The following CLDN16 variants were observed in gnomAD, a reference collection of about 807,000 sequenced individuals.
CLDN16 encodes claudin 16.
A neutral mutation model predicts 24.6 loss-of-function variants in CLDN16; 13 were observed. The observed-to-expected ratio is 0.53, with a 90% CI of 0.34 to 0.84. CLDN16 has a LOEUF of 0.84. Among genes scored for constraint, CLDN16 ranks in the 40% least tolerant of loss-of-function variants. The pLI is 0.01. For synonymous variants in CLDN16, 116 were observed against 106.7 expected, an observed-to-expected ratio of 1.09 and a Z score of -0.54; for missense variants, 298 against 292.7, an observed-to-expected ratio of 1.02 and a Z score of -0.13.
At chr3:190,371,905 T>G (rs1194528606) in intron 2 of CLDN16, among the ~76,000 whole-genome samples, 2 of 151,958 alleles carry the variant, frequency 1.3e-5, no homozygotes, top group African/African-American at 2.4e-5. Context: ...CTGTCCCAGG[T>G]CACCGAACAT....
intron 1 of CLDN16, among the ~76,000 whole-genome samples, chr3:190,345,668 G>C (rs1440075349): frequency 1.3e-5 from 2 of 152,122 alleles, no homozygotes; most frequent in Non-Finnish European, 2.9e-5. Context: ...CCACTGATAG[G>C]TGTTCAGCTT....
chr3:190,330,387 A>G (rs909036733), intron 1 of CLDN16, among the ~76,000 whole-genome samples: 20 of 152,210 alleles, frequency 1.3e-4, no homozygotes, highest in African/African-American at 4.3e-4. Flanking sequence ...GTTTAAGTCA[A>G]TATGGTAAAA....
the CLDN16 span, chr3:190,308,538 CA>C: frequency 8.7e-7 from 1 of 1,153,524 alleles, no homozygotes; most frequent in East Asian, 2.6e-5. Context: ...GTATTTTTTT[CA>C]TTGAAAATAA....
intron 1 of CLDN16, among the ~76,000 whole-genome samples, chr3:190,353,767 AG>A (rs1439880554): frequency 6.6e-6 from 1 of 152,070 alleles, no homozygotes; most frequent in Non-Finnish European, 1.5e-5. Context: ...TAGTAGTAAA[AG>A]TGACAGCCCT....
the CLDN16 span, among the ~76,000 whole-genome samples, chr3:190,313,435 A>G: frequency 1.3e-5 from 2 of 152,244 alleles, no homozygotes; most frequent in East Asian, 3.8e-4. Flanking sequence ...GATGTTAACT[A>G]TTTGTAATCA....
chr3:190,411,528 G>A lies in CLDN16; in HGVS notation c.*1492G>A, dbSNP rs1719286719. 1 of 151,720 alleles carries A rather than the reference G, an allele frequency of 6.6e-6. No individual in the cohort carries two copies. The highest frequency in any genetic ancestry group is 6.6e-5 in the Admixed American group (1 of 15,242). 9.4% of individuals were successfully genotyped at this position (151,720 alleles called of 1,614,324 possible). A position where few individuals can be genotyped will look rare whatever the true frequency, so the allele number is the denominator to read the frequency against. On this transcript the variant is annotated 3_prime_UTR_variant, in exon 5 of 5. Coordinates refer to ENST00000264734, the MANE Select transcript of CLDN16 (RefSeq NM_006580.4). ...CCTGAAAAGAATATCAACCTGAAAA[G>A]AATATCAACTCACCCAGAAATTAGT...
chr3:190,328,977 G>A (rs1717127510), intron 1 of CLDN16, among the ~76,000 whole-genome samples: 1 of 152,056 alleles, frequency 6.6e-6, no homozygotes, highest in Non-Finnish European at 1.5e-5. Context: ...TAGGCATTTG[G>A]TGCAACATAT....
chr3:190,361,485 T>A (rs1175062513), intron 1 of CLDN16, among the ~76,000 whole-genome samples: 2 of 151,948 alleles, frequency 1.3e-5, no homozygotes, highest in African/African-American at 4.8e-5. Context: ...CTGAAAAGAC[T>A]CCCTTCTTGA....
the CLDN16 span, among the ~76,000 whole-genome samples, chr3:190,312,324 T>C: frequency 6.6e-6 from 1 of 152,212 alleles, no homozygotes; most frequent in Admixed American, 6.5e-5. Context: ...CCTAACTGCT[T>C]TAAACTGACC....
intron 1 of CLDN16, among the ~76,000 whole-genome samples, chr3:190,345,424 G>T (rs895749258): frequency 1.3e-5 from 2 of 152,096 alleles, no homozygotes; most frequent in African/African-American, 4.8e-5. Context: ...CTTCCTATCA[G>T]GTTTGAATCA....
chr3:190,410,321 T>C lies in CLDN16; in HGVS notation c.*285T>C, dbSNP rs1294973811. 1 of 371,244 alleles carries C rather than the reference T, an allele frequency of 2.7e-6. No homozygotes were observed. Among genetic ancestry groups the C allele is most frequent in the Non-Finnish European group, 5.0e-6 (1 of 199,798 alleles). The allele number at this position is 371,244 out of a possible 1,614,324, so 23.0% of individuals were successfully genotyped here. A position where few individuals can be genotyped will look rare whatever the true frequency, so the allele number is the denominator to read the frequency against. On this transcript the variant is annotated 3_prime_UTR_variant, in exon 5 of 5. Coordinates refer to ENST00000264734, the MANE Select transcript of CLDN16 (RefSeq NM_006580.4). Reference sequence around the variant, plus strand: ...TATTTGTTTGTGATTTCTATATAGCTATTAGAGATTATGACATAGTAATAT... The same window carrying C: ...TATTTGTTTGTGATTTCTATATAGCCATTAGAGATTATGACATAGTAATAT...
chr3:190,388,115 G>T, upstream of CLDN16: 2 of 1,613,594 alleles, frequency 1.2e-6, no homozygotes, highest in South Asian at 2.2e-5. Flanking sequence ...TGGTTGCTTC[G>T]GATAATGACC....
intron 1 of CLDN16, among the ~76,000 whole-genome samples, chr3:190,331,832 C>G (rs1006763279): frequency 6.6e-6 from 1 of 152,174 alleles, no homozygotes; most frequent in Non-Finnish European, 1.5e-5. Context: ...TCTCACTGGG[C>G]TATAATTAAA....
chr3:190,363,554 G>GTA (rs1553805321), intron 1 of CLDN16, among the ~76,000 whole-genome samples: 36 of 81,336 alleles, frequency 4.4e-4, no homozygotes, highest in Middle Eastern at 0.011. Flanking sequence ...GTGTGTGTGT[G>GTA]TGTATATATA....
At chr3:190,323,629 T>C (rs1240387453) in intron 1 of CLDN16, among the ~76,000 whole-genome samples, 1 of 152,146 alleles carries the variant, frequency 6.6e-6, no homozygotes, top group Non-Finnish European at 1.5e-5. Context: ...GAAATAAACA[T>C]ATTAAGGATA....
rs539329278 is a variant in CLDN16 at position 190,339,744 on chromosome 3, T to A, written n.121+17083T>A. On this transcript the variant is annotated intron_variant and non_coding_transcript_variant, in intron 1 of 4. Transcript: ENST00000468220. ...TGTTTTACCACATATGTAAAAAAAA[T>A]TACTACTACTCCTGCGGAGCTTGTA... Among the ~76,000 whole-genome samples, 52 of 152,304 alleles carry A rather than the reference T, an allele frequency of 3.4e-4. 1 individual carries two copies. The highest frequency in any genetic ancestry group is 1.2e-3 in the African/African-American group (50 of 41,572).
At chr3:190,395,226 G>A (rs781687785) in intron 1 of CLDN16, among the ~76,000 whole-genome samples, 5 of 152,012 alleles carry the variant, frequency 3.3e-5, no homozygotes, top group Non-Finnish European at 5.9e-5. Flanking sequence ...TACTAAGTTG[G>A]CATTACCCAT....
At chr3:190,304,244 T>A in the CLDN16 span, among the ~76,000 whole-genome samples, 1 of 152,072 alleles carries the variant, frequency 6.6e-6, no homozygotes, top group African/African-American at 2.4e-5. Context: ...AGAAACTGGG[T>A]GGAGATCTCC....
chr3:190,389,854 G>C (rs541509587), intron 1 of CLDN16, among the ~76,000 whole-genome samples: 10 of 152,256 alleles, frequency 6.6e-5, no homozygotes, highest in African/African-American at 2.4e-4. Context: ...TTATAATTAT[G>C]TTTTTTAAAA....
Sources: gnomAD v4.1 joint callset for allele counts (sites outside exome capture counted in the v4.1 genomes callset) on GRCh38, gnomAD v4.1.1 for gene constraint, MANE v1.5 for transcripts, NCBI Gene and HGNC (gene_info 2026-07-23, HGNC 2026-07-21) for gene names.